Variants in AGBL4 observed in about 807,000 individuals in gnomAD.
AGBL4 encodes AGBL carboxypeptidase 4.
Under a neutral mutation model 66.4 loss-of-function variants are expected in AGBL4, and 58 were observed. The ratio of observed to expected loss-of-function variants is 0.87; its 90% CI spans 0.71 to 1.09. AGBL4 has a LOEUF of 1.09. Among genes scored for constraint, AGBL4 ranks in the 50% least tolerant of loss-of-function variants. AGBL4 has a pLI of 0.00. For synonymous variants in AGBL4, 234 were observed against 222.9 expected (o/e 1.05, Z -0.44); for missense variants, 579 against 631.0 (o/e 0.92, Z 0.88).
chr1:48,720,744 G>T (rs1647133215), intron 6 of AGBL4, among the ~76,000 whole-genome samples: 1 of 152,064 alleles, frequency 6.6e-6, no homozygotes. Context: ...ACACAGTCCT[G>T]CCTGCAGTTC....
intron 4 of AGBL4, among the ~76,000 whole-genome samples, chr1:49,092,419 T>C (rs1348396386): frequency 1.3e-5 from 2 of 152,172 alleles, no homozygotes; most frequent in African/African-American, 2.4e-5. Context: ...GTTCTGTTTG[T>C]CCTACACTTG....
At chr1:48,920,214 A>G (rs908180628) in intron 5 of AGBL4, among the ~76,000 whole-genome samples, 3 of 152,170 alleles carry the variant, frequency 2.0e-5, no homozygotes, top group Non-Finnish European at 2.9e-5. Context: ...ATAGTATGAC[A>G]TTGGCCACAT....
At chr1:49,006,694 T>G (rs1264680381) in intron 5 of AGBL4, among the ~76,000 whole-genome samples, 4 of 150,918 alleles carry the variant, frequency 2.7e-5, no homozygotes, top group Non-Finnish European at 5.9e-5. Context: ...ACGGGCAGAC[T>G]GCCTCCTCAA....
At chr1:49,683,658 G>A (rs1646737735) in intron 3 of AGBL4, among the ~76,000 whole-genome samples, 1 of 152,264 alleles carries the variant, frequency 6.6e-6, no homozygotes, top group Non-Finnish European at 1.5e-5. Flanking sequence ...CAAAAGGAAA[G>A]AGACTTTATC....
intron 3 of AGBL4, among the ~76,000 whole-genome samples, chr1:49,392,361 T>C (rs1205313101): frequency 6.6e-6 from 1 of 152,166 alleles, no homozygotes; most frequent in Non-Finnish European, 1.5e-5. Flanking sequence ...CAGAGCCCTC[T>C]AAATGGCAGC....
At chr1:48,724,165 T>G (rs1647194010) in intron 6 of AGBL4, among the ~76,000 whole-genome samples, 1 of 152,284 alleles carries the variant, frequency 6.6e-6, no homozygotes, top group Admixed American at 6.5e-5. Context: ...ACATTAACAC[T>G]GACAACCATT....
intron 1 of AGBL4, among the ~76,000 whole-genome samples, chr1:49,927,260 C>A (rs757990920): frequency 2.6e-5 from 4 of 152,118 alleles, no homozygotes; most frequent in Non-Finnish European, 5.9e-5. Context: ...GAGTATTAAC[C>A]ATCACAGGCT....
intron 4 of AGBL4, among the ~76,000 whole-genome samples, chr1:49,107,255 T>C (rs769251510): frequency 6.6e-6 from 1 of 152,210 alleles, no homozygotes; most frequent in Non-Finnish European, 1.5e-5. Context: ...TTCAAAACTT[T>C]AGTATAAAAT....
At chr1:49,559,524 G>C (rs755648414) in intron 3 of AGBL4, among the ~76,000 whole-genome samples, 40 of 152,182 alleles carry the variant, frequency 2.6e-4, no homozygotes, top group Non-Finnish European at 5.0e-4. Context: ...GAAAGAGGCA[G>C]ATCCACCCTC....
chr1:49,845,598 A>T (rs1646119701), intron 2 of AGBL4: 2 of 1,604,924 alleles, frequency 1.2e-6, no homozygotes, highest in Admixed American at 3.4e-5. Flanking sequence ...ATGAGTGTGG[A>T]AAAGCCTTCA....
rs539847933 is a variant in AGBL4, at chr1:49,059,804, G to A, written c.378-14004C>T. On this transcript the variant is annotated intron_variant, in intron 4 of 13. Coordinates refer to ENST00000371839, the MANE Select transcript of AGBL4 (RefSeq NM_032785.4). ...TTTTGGAACTTTAACATTCAGTGAC[G>A]ACCGACCCTATTGGATTTCAGACTT... Among the ~76,000 whole-genome samples the A allele has an allele frequency of 5.3e-5, 8 of 152,218 alleles. No homozygotes were observed. In the East Asian group the frequency reaches 9.7e-4, roughly 18 times the overall value.
chr1:49,280,152 G>A (rs770945116), intron 3 of AGBL4, among the ~76,000 whole-genome samples: 2 of 151,822 alleles, frequency 1.3e-5, no homozygotes, highest in Non-Finnish European at 2.9e-5. Flanking sequence ...GACTCAGCAC[G>A]CAGAAGGACC....
chr1:49,713,438 T>C (rs1647828743), intron 2 of AGBL4, among the ~76,000 whole-genome samples: 2 of 152,106 alleles, frequency 1.3e-5, no homozygotes, highest in Admixed American at 6.6e-5. Flanking sequence ...AGATTCATTT[T>C]TGATCATTTT....
At chr1:49,296,614 T>A (rs1403997938) in intron 3 of AGBL4, among the ~76,000 whole-genome samples, 1 of 152,168 alleles carries the variant, frequency 6.6e-6, no homozygotes, top group East Asian at 1.9e-4. Flanking sequence ...TGTAACAACT[T>A]CCCCATGGAA....
intron 3 of AGBL4, among the ~76,000 whole-genome samples, chr1:49,271,633 C>T (rs1360685300): frequency 1.3e-5 from 2 of 151,882 alleles, no homozygotes; most frequent in Non-Finnish European, 2.9e-5. Context: ...GACTAAAACC[C>T]TTTTTAAATT....
intron 5 of AGBL4, among the ~76,000 whole-genome samples, chr1:49,032,891 T>C (rs546377883): frequency 5.9e-5 from 9 of 152,216 alleles, no homozygotes; most frequent in Admixed American, 4.6e-4. Flanking sequence ...GTGATGGCGA[T>C]GCATTCTCTG....
intron 3 of AGBL4, among the ~76,000 whole-genome samples, chr1:49,519,128 T>C (rs894027220): frequency 2.6e-5 from 4 of 152,088 alleles, no homozygotes; most frequent in Admixed American, 2.6e-4. Context: ...GAGAAAGGCA[T>C]TGATATGCCA....
chr1:49,221,385 G>A (rs1344822955), intron 4 of AGBL4, among the ~76,000 whole-genome samples: 1 of 152,036 alleles, frequency 6.6e-6, no homozygotes, highest in African/African-American at 2.4e-5. Flanking sequence ...TTGCTGGAAA[G>A]TACAAGCTCA....
intron 3 of AGBL4, among the ~76,000 whole-genome samples, chr1:49,553,849 C>T (rs1558045070): frequency 2.0e-5 from 3 of 152,116 alleles, no homozygotes; most frequent in Non-Finnish European, 4.4e-5. Flanking sequence ...TTTCTTCTCA[C>T]ACATTTTGGC....
Sources: gnomAD v4.1 joint callset for allele counts (sites outside exome capture counted in the v4.1 genomes callset) on GRCh38, gnomAD v4.1.1 for gene constraint, MANE v1.5 for transcripts, NCBI Gene and HGNC (gene_info 2026-07-23, HGNC 2026-07-21) for gene names.